RAB5B: variants seen among roughly 807,000 people sequenced by gnomAD.
RAB5B encodes the protein ras-related protein Rab-5B.
RAB5B carries 11 observed loss-of-function variants against 28.6 expected under a neutral mutation model. That is an observed-to-expected ratio of 0.38 (90% CI 0.24 to 0.64). RAB5B has a LOEUF of 0.64. RAB5B is among the 30% of genes least tolerant of loss of function. The probability of loss-of-function intolerance (pLI) is 0.53; values close to 1 mark genes in which losing one functional copy is unlikely to be tolerated. For missense variants in RAB5B, 169 were observed against 265.6 expected (o/e 0.64, Z 2.53); for synonymous variants, 93 against 97.9 (o/e 0.95, Z 0.29).
intron 5 of RAB5B, 147 bp from the exon 6 acceptor site, chr12:55,991,950 T>G: frequency 1.7e-6 from 1 of 597,382 alleles, no homozygotes; most frequent in Non-Finnish European, 2.9e-6. Context: ...AGTTTGCAAA[T>G]AGTGAACCCT....
chr12:55,988,988 C>A (rs1890033984), intron 2 of RAB5B, among the ~76,000 whole-genome samples: 2 of 130,716 alleles, frequency 1.5e-5, no homozygotes, highest in Non-Finnish European at 3.1e-5. Flanking sequence ...GTTGCCCAGG[C>A]TGGAGTGCAG....
chr12:55,980,237 T>G (rs1049588057), intron 1 of RAB5B, among the ~76,000 whole-genome samples: 2 of 152,098 alleles, frequency 1.3e-5, no homozygotes, highest in Non-Finnish European at 2.9e-5. Flanking sequence ...TTCCTCTCCC[T>G]TCTCCCTTCC....
chr12:55,987,257 T>G (rs1889978607), intron 2 of RAB5B, 134 bp downstream of exon 2: 1 of 829,160 alleles, frequency 1.2e-6, no homozygotes, highest in African/African-American at 1.7e-5. Flanking sequence ...GTCTCCCAGG[T>G]TCGAGCGATT....
intron 2 of RAB5B, among the ~76,000 whole-genome samples, chr12:55,987,940 A>G (rs1890000296): frequency 6.6e-6 from 1 of 152,020 alleles, no homozygotes; most frequent in African/African-American, 2.4e-5. Flanking sequence ...TGAGGCCAGG[A>G]GTTCAAGACC....
At chr12:55,981,658 C>T (rs1238410836) in intron 1 of RAB5B, among the ~76,000 whole-genome samples, 1 of 151,988 alleles carries the variant, frequency 6.6e-6, no homozygotes, top group Non-Finnish European at 1.5e-5. Flanking sequence ...ACTGTTATGC[C>T]TACTTTGCTG....
rs1890241610 is a variant in RAB5B, at chr12:55,994,835, C to A, written c.*2623C>A. ...TCTACTGAATCAGAAACACACCTTT[C>A]CCTGCATCTTGATACATCTTTATTC... On this transcript the variant is annotated 3_prime_UTR_variant, in exon 6 of 6. Coordinates refer to ENST00000360299, the MANE Select transcript of RAB5B (RefSeq NM_002868.4). 6.6e-6 allele frequency: 1 copy of A among 152,002 alleles called. No individual in the cohort carries two copies. The highest frequency in any genetic ancestry group is 1.5e-5 in the Non-Finnish European group (1 of 68,004). 9.4% of individuals were successfully genotyped at this position (152,002 alleles called of 1,614,324 possible). A position where few individuals can be genotyped will look rare whatever the true frequency, so the allele number is the denominator to read the frequency against.
Position 55,989,982 on chromosome 12 carries a change from A to G in RAB5B, c.199A>G (p.Thr67Ala), listed in dbSNP as rs145456965. ...FLTQSVCLDD[T>A]TVKFEIWDTA... ...CACCCAGTCCGTTTGTCTAGATGAC[A>G]CAACAGTGAAGTTTGAGATCTGGGA... The change falls in exon 3 of 6, where the codon ACA becomes GCA. Residue 67 changes from threonine to alanine, a missense_variant. Transcript: ENST00000360299. 6.0e-5 allele frequency: 97 copies of G among 1,613,624 alleles called. No homozygotes were observed. The highest frequency in any genetic ancestry group is 7.5e-5 in the Non-Finnish European group (88 of 1,179,650).
intron 1 of RAB5B, among the ~76,000 whole-genome samples, chr12:55,976,997 G>A (rs904866387): frequency 5.3e-5 from 8 of 151,844 alleles, no homozygotes; most frequent in Admixed American, 1.3e-4. Flanking sequence ...GTTTTTAGAC[G>A]GAGTTTCACT....
In RAB5B at chr12:55,990,108, C is replaced by G. The variant is rs1890065542; in HGVS notation, c.315+10C>G. ...CGACATTACTAATCAGGTAAGTGAG[C>G]TAAGAAGACTGTCCTTGTTGGCTGG... On this transcript the variant is annotated intron_variant, in intron 3 of 5. Coordinates refer to ENST00000360299, the MANE Select transcript of RAB5B (RefSeq NM_002868.4). 9 of 1,609,108 alleles carry G rather than the reference C, an allele frequency of 5.6e-6. No homozygotes were observed. The highest frequency in any genetic ancestry group is 7.6e-6 in the Non-Finnish European group (9 of 1,177,064).
At chr12:55,991,794 G>T (rs1450345591) in intron 5 of RAB5B, 6 of 413,318 alleles carry the variant, frequency 1.5e-5, no homozygotes, top group Non-Finnish European at 2.7e-5. Flanking sequence ...GGGCGTGGTG[G>T]CGCACACCTG....
intron 5 of RAB5B, chr12:55,991,739 C>T: frequency 2.5e-6 from 1 of 402,012 alleles, no homozygotes; most frequent in Non-Finnish European, 4.6e-6. Context: ...CCATCCTGGC[C>T]AATGTGGTGA....
At chr12:55,982,830 T>C (rs928195584) in intron 1 of RAB5B, among the ~76,000 whole-genome samples, 3 of 152,360 alleles carry the variant, frequency 2.0e-5, no homozygotes, top group East Asian at 3.9e-4. Context: ...TGTTTAGCCA[T>C]GAGAATTCAG....
At chr12:55,975,994 C>T (rs778993346) in intron 1 of RAB5B, among the ~76,000 whole-genome samples, 10 of 152,046 alleles carry the variant, frequency 6.6e-5, no homozygotes, top group Non-Finnish European at 1.5e-4. Flanking sequence ...TCATGATCCG[C>T]CCACCTCGGC....
intron 3 of RAB5B, 35 bp from the exon 4 acceptor site, chr12:55,990,647 A>G: frequency 1.9e-6 from 3 of 1,611,426 alleles, no homozygotes. Flanking sequence ...ATTGGCAGTC[A>G]TTCCAGCCTA....
chr12:55,991,317 C>A, intron 4 of RAB5B, 43 bp from the exon 5 acceptor site: 1 of 1,469,788 alleles, frequency 6.8e-7, no homozygotes, highest in Non-Finnish European at 9.5e-7. Flanking sequence ...AATACTCGTT[C>A]CCACCCTACA....
chr12:55,987,788 G>A (rs536375469), intron 2 of RAB5B, among the ~76,000 whole-genome samples: 10 of 150,050 alleles, frequency 6.7e-5, no homozygotes, highest in East Asian at 2.0e-4. Context: ...CCGAGATTGC[G>A]CCACTGCACT....
chr12:55,992,275 C>G lies in RAB5B; in HGVS notation c.*63C>G. The G allele has an allele frequency of 7.2e-7, 1 of 1,380,032 alleles. No homozygotes were observed. The highest frequency in any genetic ancestry group is 1.0e-6 in the Non-Finnish European group (1 of 977,348). The allele number at this position is 1,380,032 out of a possible 1,614,324, so 85.5% of individuals were successfully genotyped here. A position where few individuals can be genotyped will look rare whatever the true frequency, so the allele number is the denominator to read the frequency against. On this transcript the variant is annotated 3_prime_UTR_variant, in exon 6 of 6. Coordinates refer to ENST00000360299, the MANE Select transcript of RAB5B (RefSeq NM_002868.4). ...AAGAGCTAAGAAATAACCTCCATCCCTACCCCTCAGCACACAACCCCTACG... is the reference window on the plus strand; with the variant it reads ...AAGAGCTAAGAAATAACCTCCATCCGTACCCCTCAGCACACAACCCCTACG...
rs1484673181 is a variant in RAB5B at position 55,987,059 on chromosome 12, G to A, written c.99G>A (p.Lys33=). The part of the protein sequence containing the change: ...LVLLGESAVG[K]SSLVLRFVKG... ...TGCTGGGAGAATCTGCAGTGGGAAA[G>A]TCAAGCCTGGTATTACGTTTTGTCA... The change falls in exon 2 of 6, where the codon AAG becomes AAA. Residue 33 remains lysine (K), a synonymous_variant. Transcript: ENST00000360299. The A allele has an allele frequency of 1.9e-6, 3 of 1,614,072 alleles. No individual in the cohort carries two copies. The highest frequency in any genetic ancestry group is 2.5e-6 in the Non-Finnish European group (3 of 1,179,982).
intron 3 of RAB5B, 80 bp from the exon 4 acceptor site, chr12:55,990,602 A>G: frequency 6.4e-7 from 1 of 1,563,104 alleles, no homozygotes; most frequent in Non-Finnish European, 8.8e-7. Context: ...GAAGAGGTGA[A>G]TTTTGAGACT....
Sources: allele counts gnomAD v4.1 joint callset (sites outside exome capture counted in the v4.1 genomes callset), GRCh38; gene constraint gnomAD v4.1.1; transcripts MANE v1.5; gene names NCBI Gene and HGNC (gene_info 2026-07-23, HGNC 2026-07-21).